SLC44A1: variants seen among roughly 807,000 people sequenced by gnomAD.
SLC44A1 encodes the protein choline transporter-like protein 1.
A neutral mutation model predicts 79.3 loss-of-function variants in SLC44A1; 26 were observed. That is an observed-to-expected ratio of 0.33 (90% CI 0.24 to 0.46). SLC44A1 has a LOEUF of 0.46. Ranked by LOEUF, SLC44A1 falls within the 20% of genes least tolerant of loss-of-function variation. The pLI, the probability that SLC44A1 is intolerant of heterozygous loss-of-function variation, is 1.00. For synonymous variants in SLC44A1, 263 were observed against 286.2 expected (o/e 0.92, Z 0.82); for missense variants, 688 against 798.1 (o/e 0.86, Z 1.66).
intron 12 of SLC44A1, among the ~76,000 whole-genome samples, chr9:105,372,511 A>T (rs1828135249): frequency 6.6e-6 from 1 of 151,846 alleles, no homozygotes; most frequent in Non-Finnish European, 1.5e-5. Flanking sequence ...ACTGGTCTCA[A>T]ACTCCTGACC....
At chr9:105,399,315 A>C (rs915398668), downstream of SLC44A1, among the ~76,000 whole-genome samples, 11 of 152,352 alleles carry the variant, frequency 7.2e-5, no homozygotes, top group East Asian at 2.1e-3. Flanking sequence ...CAGACTAGAG[A>C]GGCAACAGTA....
At chr9:105,426,184 T>G (rs567609622) in intron 15 of SLC44A1, among the ~76,000 whole-genome samples, 7 of 152,224 alleles carry the variant, frequency 4.6e-5, no homozygotes, top group East Asian at 3.9e-4. Context: ...CAAAATAAAA[T>G]CTCAAATTTT....
intron 1 of SLC44A1, among the ~76,000 whole-genome samples, chr9:105,281,106 A>G (rs990928981): frequency 6.6e-6 from 1 of 152,238 alleles, no homozygotes. Context: ...CACTGTTGTC[A>G]TGGAGAGCAC....
intron 15 of SLC44A1, among the ~76,000 whole-genome samples, chr9:105,387,420 C>T (rs1183196236): frequency 6.6e-6 from 1 of 152,042 alleles, no homozygotes; most frequent in Non-Finnish European, 1.5e-5. Context: ...CATCAGGTTC[C>T]ATGCCTGCCC....
At chr9:105,420,889 A>T (rs868842007) in intron 15 of SLC44A1, among the ~76,000 whole-genome samples, 1 of 140,228 alleles carries the variant, frequency 7.1e-6, no homozygotes, top group Non-Finnish European at 1.5e-5. Flanking sequence ...AAAAAAAAAA[A>T]GGATGGTCTA....
chr9:105,358,335 TC>T lies in SLC44A1; in HGVS notation c.671-6del. The T allele has an allele frequency of 7.0e-7, 1 of 1,426,076 alleles. No homozygotes were observed. The highest frequency in any genetic ancestry group is 9.9e-7 in the Non-Finnish European group (1 of 1,012,558). The allele number at this position is 1,426,076 out of a possible 1,614,324, so 88.3% of individuals were successfully genotyped here. A position where few individuals can be genotyped will look rare whatever the true frequency, so the allele number is the denominator to read the frequency against. On this transcript the variant is annotated splice_region_variant and splice_polypyrimidine_tract_variant and intron_variant, in intron 6 of 15. Transcript: ENST00000374720. Reference sequence around the variant, plus strand: ...ATAATATTCTATATGTTCTCTATCTTCCCTGCAGTTCTATCCATGATTTTGA... The same window carrying T: ...ATAATATTCTATATGTTCTCTATCTTCCTGCAGTTCTATCCATGATTTTGA...
chr9:105,353,703 C>T (rs1357045707), intron 5 of SLC44A1, among the ~76,000 whole-genome samples: 2 of 151,938 alleles, frequency 1.3e-5, no homozygotes, highest in Non-Finnish European at 2.9e-5. Context: ...GTACTGAAAA[C>T]AAGAAAAAGA....
chr9:105,277,595 A>T (rs1355529468), intron 1 of SLC44A1, among the ~76,000 whole-genome samples: 1 of 152,180 alleles, frequency 6.6e-6, no homozygotes, highest in Non-Finnish European at 1.5e-5. Context: ...AACAGAATAA[A>T]ATGGAAGCCT....
At chr9:105,380,062 G>C (rs1035606150) in intron 13 of SLC44A1, among the ~76,000 whole-genome samples, 2 of 152,130 alleles carry the variant, frequency 1.3e-5, no homozygotes, top group Non-Finnish European at 2.9e-5. Context: ...AAGGGAGAGA[G>C]GGAGAAACAT....
At chr9:105,351,587 A>AGAGAGGGAGG (rs1827423010) in intron 5 of SLC44A1, among the ~76,000 whole-genome samples, 1 of 119,572 alleles carries the variant, frequency 8.4e-6, no homozygotes, top group Non-Finnish European at 1.7e-5. Flanking sequence ...AAAGAGAGAA[A>AGAGAGGGAGG]GAGAGAAAGA....
At chr9:105,260,748 A>T (rs1046803051) in intron 1 of SLC44A1, among the ~76,000 whole-genome samples, 2 of 152,224 alleles carry the variant, frequency 1.3e-5, no homozygotes, top group African/African-American at 2.4e-5. Flanking sequence ...AGCTGGGCCA[A>T]CAGCAAGAAG....
chr9:105,328,231 G>A (rs1297917384), intron 3 of SLC44A1, among the ~76,000 whole-genome samples: 1 of 152,196 alleles, frequency 6.6e-6, no homozygotes, highest in East Asian at 1.9e-4. Context: ...ACTAGTGGTG[G>A]TGGTGGAAAA....
In SLC44A1 at chr9:105,391,983, T is replaced by G. The variant is rs1828772381; in HGVS notation, c.*2927T>G. 1 of 985,376 alleles carries G rather than the reference T, an allele frequency of 1.0e-6. No individual in the cohort carries two copies. The highest frequency in any genetic ancestry group is 1.2e-6 in the Non-Finnish European group (1 of 829,916). 61.0% of individuals were successfully genotyped at this position (985,376 alleles called of 1,614,324 possible). The stretch of plus-strand genomic sequence containing the variant: ...GATAATTAAGGCTCTGGTGCATAAT[T>G]TAGACTTTCTAAGCTCCTGCCTGAA... On this transcript the variant is annotated 3_prime_UTR_variant, in exon 16 of 16. Transcript: ENST00000374720.
At chr9:105,368,730 T>C (rs1828014228) in intron 12 of SLC44A1, among the ~76,000 whole-genome samples, 1 of 152,130 alleles carries the variant, frequency 6.6e-6, no homozygotes, top group Non-Finnish European at 1.5e-5. Flanking sequence ...ACTACGACAA[T>C]TATGTTTTTA....
In SLC44A1 at chr9:105,361,322, G is replaced by A; in HGVS notation, c.892G>A (p.Val298Met). The A allele has an allele frequency of 6.2e-7, 1 of 1,603,388 alleles. No individual in the cohort carries two copies. The highest frequency in any genetic ancestry group is 8.5e-7 in the Non-Finnish European group (1 of 1,175,688). ...ALLIYAISAT[V>M]FTVILFLIML... Reference sequence around the variant, plus strand: ...CCTCATTTATGCCATTTCAGCTACAGTGTTCACAGTGAGTTTAGGCTTTGG... The same window carrying A: ...CCTCATTTATGCCATTTCAGCTACAATGTTCACAGTGAGTTTAGGCTTTGG... Residue 298 changes from valine (V) to methionine (M), a missense_variant, in exon 8 of 16, where the codon GTG becomes ATG. Physicochemically the swap from Val to Met is conservative, Grantham distance 21 (BLOSUM62 1). Transcript: ENST00000374720.
At chr9:105,308,189 C>T (rs753112092) in intron 2 of SLC44A1, among the ~76,000 whole-genome samples, 1 of 152,206 alleles carries the variant, frequency 6.6e-6, no homozygotes, top group Non-Finnish European at 1.5e-5. Flanking sequence ...TTGATCAACA[C>T]AGGCTTTTCT....
chr9:105,309,448 C>CT (rs1464571252), intron 2 of SLC44A1, among the ~76,000 whole-genome samples: 1 of 152,106 alleles, frequency 6.6e-6, no homozygotes, highest in Non-Finnish European at 1.5e-5. Context: ...AGGGGAGCTG[C>CT]TATTATTACT....
intron 3 of SLC44A1, among the ~76,000 whole-genome samples, chr9:105,323,712 ACT>A (rs1826473530): frequency 1.3e-5 from 2 of 152,288 alleles, no homozygotes; most frequent in Middle Eastern, 6.8e-3. Context: ...TTTACAAAGC[ACT>A]CTCACATATT....
intron 3 of SLC44A1, among the ~76,000 whole-genome samples, chr9:105,318,225 G>A (rs1408668805): frequency 1.4e-5 from 2 of 144,864 alleles, no homozygotes; most frequent in African/African-American, 5.8e-5. Flanking sequence ...TGTCACCCAG[G>A]CTGGAGTGCA....
Sources: allele counts gnomAD v4.1 joint callset (sites outside exome capture counted in the v4.1 genomes callset), GRCh38; gene constraint gnomAD v4.1.1; transcripts MANE v1.5; gene names NCBI Gene and HGNC (gene_info 2026-07-23, HGNC 2026-07-21).